The following ME3 variants were observed in gnomAD, a reference collection of about 807,000 sequenced individuals.
ME3 encodes the protein malic enzyme 3.
In ME3, 48 loss-of-function variants were observed where a neutral mutation model predicts 68.9. That is an observed-to-expected ratio of 0.70 (90% CI 0.55 to 0.89). The LOEUF (loss-of-function observed/expected upper bound fraction) is 0.89. Ranked by LOEUF, ME3 falls within the 40% of genes least tolerant of loss-of-function variation. ME3 has a pLI of 0.00. For synonymous variants in ME3, 320 were observed against 318.8 expected, an observed-to-expected ratio of 1.00 and a Z score of -0.04; for missense variants, 675 against 797.4, an observed-to-expected ratio of 0.85 and a Z score of 1.85.
chr11:86,472,680 T>C (rs1283251754), intron 7 of ME3, among the ~76,000 whole-genome samples: 1 of 152,190 alleles, frequency 6.6e-6, no homozygotes, highest in Admixed American at 6.5e-5. Context: ...AATAGTGGGC[T>C]AATAATACCT....
intron 2 of ME3, among the ~76,000 whole-genome samples, chr11:86,605,982 C>T (rs1961581948): frequency 6.6e-6 from 1 of 152,188 alleles, no homozygotes; most frequent in Non-Finnish European, 1.5e-5. Flanking sequence ...ACTATTTCTC[C>T]ACTACAGCCA....
At chr11:86,445,817 C>G (rs1043277755) in intron 13 of ME3, among the ~76,000 whole-genome samples, 1 of 152,148 alleles carries the variant, frequency 6.6e-6, no homozygotes, top group African/African-American at 2.4e-5. Flanking sequence ...TATCAGTGCT[C>G]AAGATCTGGG....
intron 6 of ME3, among the ~76,000 whole-genome samples, chr11:86,487,806 G>A (rs1285145709): frequency 1.3e-5 from 2 of 152,218 alleles, no homozygotes; most frequent in Non-Finnish European, 2.9e-5. Flanking sequence ...GGCCTGACGT[G>A]CACACTGTAG....
At chr11:86,565,552 G>A (rs1013350235) in intron 2 of ME3, among the ~76,000 whole-genome samples, 5 of 152,158 alleles carry the variant, frequency 3.3e-5, no homozygotes, top group African/African-American at 1.2e-4. Flanking sequence ...CTATAAAAAG[G>A]AATGAAGTTC....
chr11:86,628,645 G>T (rs1006524082), intron 2 of ME3, among the ~76,000 whole-genome samples: 3 of 152,172 alleles, frequency 2.0e-5, no homozygotes, highest in African/African-American at 4.8e-5. Flanking sequence ...CTAGACATCA[G>T]TCTTACCTGG....
intron 2 of ME3, among the ~76,000 whole-genome samples, chr11:86,564,507 T>C (rs1429031526): frequency 6.9e-6 from 1 of 145,924 alleles, no homozygotes; most frequent in South Asian, 2.2e-4. Flanking sequence ...AATAGACATA[T>C]AGGTAAATGG....
intron 13 of ME3, among the ~76,000 whole-genome samples, chr11:86,443,888 T>C (rs185486980): frequency 5.3e-5 from 8 of 152,284 alleles, no homozygotes; most frequent in Admixed American, 3.9e-4. Context: ...TATGGCTCCT[T>C]CAAACTCCTT....
intron 2 of ME3, among the ~76,000 whole-genome samples, chr11:86,575,917 A>G (rs1360313251): frequency 6.6e-6 from 1 of 152,232 alleles, no homozygotes; most frequent in African/African-American, 2.4e-5. Context: ...GATAAAGTGG[A>G]GTGTGAAATT....
At chr11:86,597,788 A>C (rs1191107175) in intron 2 of ME3, among the ~76,000 whole-genome samples, 4 of 152,154 alleles carry the variant, frequency 2.6e-5, no homozygotes, top group African/African-American at 9.6e-5. Context: ...GTTGGGGTAC[A>C]GCTTGGTTTT....
At chr11:86,602,364 A>C (rs1383955609) in intron 2 of ME3, among the ~76,000 whole-genome samples, 2 of 152,112 alleles carry the variant, frequency 1.3e-5, no homozygotes, top group Admixed American at 6.6e-5. Flanking sequence ...GTTGCTTCAA[A>C]GAGAATAAAA....
chr11:86,458,503 G>A lies in ME3; in HGVS notation c.919+6588C>T, dbSNP rs150796318. Among the ~76,000 whole-genome samples the A allele has an allele frequency of 2.9e-3, 440 of 152,052 alleles. 3 individuals are homozygous for A. Among genetic ancestry groups the A allele is most frequent in the Non-Finnish European group, 4.1e-3 (278 of 67,998 alleles). On this transcript the variant is annotated intron_variant, in intron 8 of 14. Transcript: ENST00000543262. ...ATCTTCTTGGCTTCTCTGGAGGTTCGGCTGTTGCAACAGCTAAAAGGGGAG... is the reference window on the plus strand; with the variant it reads ...ATCTTCTTGGCTTCTCTGGAGGTTCAGCTGTTGCAACAGCTAAAAGGGGAG...
chr11:86,613,086 A>G (rs1032688723), intron 2 of ME3, among the ~76,000 whole-genome samples: 1 of 152,162 alleles, frequency 6.6e-6, no homozygotes, highest in Non-Finnish European at 1.5e-5. Context: ...TAATTTTTGT[A>G]AGGTGAAAGG....
At position 86,498,141 on chromosome 11, in the gene ME3, C is replaced by G. The variant is rs776711037; in HGVS notation, c.544-17G>C. On this transcript the variant is annotated splice_polypyrimidine_tract_variant and intron_variant, in intron 5 of 14. Transcript: ENST00000543262. ...CACCACGGCCTGAAAAACAGCAGGG[C>G]ACCATCAATCAGGGACAGCACTTCC... The G allele has an allele frequency of 6.2e-7, 1 of 1,601,772 alleles. No individual in the cohort carries two copies. The highest frequency in any genetic ancestry group is 1.7e-5 in the Admixed American group (1 of 59,274).
intron 2 of ME3, among the ~76,000 whole-genome samples, chr11:86,578,446 T>C (rs990460783): frequency 6.6e-6 from 1 of 152,042 alleles, no homozygotes; most frequent in African/African-American, 2.4e-5. Flanking sequence ...GGTCTCAGAA[T>C]AGGCACTGTA....
intron 2 of ME3, among the ~76,000 whole-genome samples, chr11:86,639,662 C>T (rs546715521): frequency 7.2e-5 from 11 of 152,162 alleles, no homozygotes; most frequent in Admixed American, 7.2e-4. Flanking sequence ...TTGTGTTGAT[C>T]TTGATGATAT....
intron 2 of ME3, among the ~76,000 whole-genome samples, chr11:86,619,100 T>A (rs1403698547): frequency 6.6e-6 from 1 of 152,206 alleles, no homozygotes; most frequent in Admixed American, 6.5e-5. Context: ...GCTCCCACTT[T>A]GCCTTCCACC....
chr11:86,484,014 C>G (rs1270541729), intron 7 of ME3, among the ~76,000 whole-genome samples: 1 of 152,164 alleles, frequency 6.6e-6, no homozygotes, highest in East Asian at 1.9e-4. Context: ...CAGTCTTTGT[C>G]TCAGCTTTGA....
intron 2 of ME3, among the ~76,000 whole-genome samples, chr11:86,665,747 G>T (rs1049239238): frequency 6.6e-6 from 1 of 152,230 alleles, no homozygotes; most frequent in Non-Finnish European, 1.5e-5. Flanking sequence ...AATCAGTGGT[G>T]ACCCATGGTG....
chr11:86,525,762 C>G (rs1054987988), intron 4 of ME3, among the ~76,000 whole-genome samples: 1 of 150,344 alleles, frequency 6.7e-6, no homozygotes, highest in Admixed American at 6.7e-5. Flanking sequence ...CGAGGGAGAC[C>G]GAGGTAAGAG....
Sources: allele counts gnomAD v4.1 joint callset (sites outside exome capture counted in the v4.1 genomes callset), GRCh38; gene constraint gnomAD v4.1.1; transcripts MANE v1.5; gene names NCBI Gene and HGNC (gene_info 2026-07-23, HGNC 2026-07-21).